Variants in SBF2 observed in about 807,000 individuals in gnomAD.
SBF2 encodes myotubularin-related protein 13.
Under a neutral mutation model 225.2 loss-of-function variants are expected in SBF2, and 112 were observed. The ratio of observed to expected loss-of-function variants is 0.50; its 90% confidence interval spans 0.43 to 0.58. The LOEUF is 0.58. Ranked by LOEUF, SBF2 falls within the 20% of genes least tolerant of loss-of-function variation. SBF2 has a pLI of 0.00. For synonymous variants in SBF2, 763 were observed against 773.3 expected (o/e 0.99, Z 0.22); for missense variants, 1,996 against 2,206.2 (o/e 0.90, Z 1.91).
intron 17 of SBF2, among the ~76,000 whole-genome samples, 151 bp downstream of exon 17, chr11:9,895,787 ACATAG>A (rs1382535581): frequency 6.6e-6 from 1 of 152,252 alleles, no homozygotes; most frequent in African/African-American, 2.4e-5. Context: ...AATTTCCTAC[ACATAG>A]CATGCAATAA....
chr11:9,866,788 A>C (rs1204183063), intron 17 of SBF2, among the ~76,000 whole-genome samples: 1 of 152,218 alleles, frequency 6.6e-6, no homozygotes, highest in Admixed American at 6.5e-5. Flanking sequence ...CAAACTAAAG[A>C]AACAACATAC....
chr11:10,154,588 AG>A (rs1955377659), intron 2 of SBF2, among the ~76,000 whole-genome samples: 1 of 152,154 alleles, frequency 6.6e-6, no homozygotes, highest in Non-Finnish European at 1.5e-5. Flanking sequence ...TAGTCCCATT[AG>A]CTAAATCCCC....
chr11:9,829,045 C>T (rs563472328), intron 28 of SBF2, among the ~76,000 whole-genome samples: 4 of 152,156 alleles, frequency 2.6e-5, no homozygotes, highest in Admixed American at 1.3e-4. Flanking sequence ...GAGGCTGAGG[C>T]GGGAAGACTG....
intron 2 of SBF2, among the ~76,000 whole-genome samples, chr11:10,109,508 C>T (rs143006560): frequency 6.2e-4 from 94 of 152,280 alleles, no homozygotes; most frequent in African/African-American, 2.2e-3. Flanking sequence ...ACCCTAGGGA[C>T]TCCATTCAAA....
intron 1 of SBF2, among the ~76,000 whole-genome samples, chr11:10,277,476 T>C (rs1339581520): frequency 6.6e-6 from 1 of 152,204 alleles, no homozygotes; most frequent in African/African-American, 2.4e-5. Flanking sequence ...TCTATCCAGA[T>C]AGATTTCCTA....
At chr11:10,218,204 A>G (rs1324966887) in intron 1 of SBF2, among the ~76,000 whole-genome samples, 2 of 151,966 alleles carry the variant, frequency 1.3e-5, no homozygotes, top group Non-Finnish European at 2.9e-5. Flanking sequence ...CCAGCCGCAA[A>G]GTCACATCTT....
chr11:10,131,692 C>T (rs1257589515), intron 2 of SBF2, among the ~76,000 whole-genome samples: 1 of 152,116 alleles, frequency 6.6e-6, no homozygotes, highest in Non-Finnish European at 1.5e-5. Flanking sequence ...CTGCCCACCT[C>T]GGCCTCCCAA....
At chr11:10,247,624 G>A (rs1959937364) in intron 1 of SBF2, among the ~76,000 whole-genome samples, 1 of 152,112 alleles carries the variant, frequency 6.6e-6, no homozygotes, top group Non-Finnish European at 1.5e-5. Context: ...GAACCCAGGA[G>A]GCAGAGATTG....
rs34181436 is a variant in SBF2, at chr11:10,080,248, C to CAA, written c.142-37269_142-37268dup. 5.2e-3 allele frequency among the ~76,000 whole-genome samples: 425 copies of CAA among 82,006 alleles called. 1 individual carries two copies. Among genetic ancestry groups the CAA allele is most frequent in the East Asian group, 0.024 (72 of 2,970 alleles). 53.8% of individuals were successfully genotyped at this position (82,006 alleles called of 152,430 possible). A position where few individuals can be genotyped will look rare whatever the true frequency, so the allele number is the denominator to read the frequency against. ...GGAAAATAAGAGCGAAACTCTGTCT[C>CAA]AAAAAAAAAAAAAAAAAAAAAAGTA... On this transcript the variant is annotated intron_variant, in intron 2 of 39. Transcript: ENST00000256190.
chr11:10,240,822 T>G (rs1355311570), intron 1 of SBF2, among the ~76,000 whole-genome samples: 3 of 152,166 alleles, frequency 2.0e-5, no homozygotes, highest in Non-Finnish European at 4.4e-5. Flanking sequence ...ATTTTATGAC[T>G]CCAATCAATA....
chr11:10,001,475 G>A (rs902088823), intron 7 of SBF2, among the ~76,000 whole-genome samples: 8 of 150,990 alleles, frequency 5.3e-5, no homozygotes, highest in African/African-American at 1.7e-4. Flanking sequence ...AAAGGGGGGG[G>A]CCAATAATTA....
intron 13 of SBF2, among the ~76,000 whole-genome samples, chr11:9,978,433 C>T (rs1373005737): frequency 6.6e-6 from 1 of 151,830 alleles, no homozygotes; most frequent in East Asian, 1.9e-4. Context: ...CTAATAAGTA[C>T]TTAACTAATA....
chr11:9,877,784 TC>T (rs1326797998), intron 17 of SBF2, among the ~76,000 whole-genome samples: 1 of 152,230 alleles, frequency 6.6e-6, no homozygotes, highest in African/African-American at 2.4e-5. Flanking sequence ...ATTTTCTTAA[TC>T]CAACCTATCA....
chr11:9,796,062 TTCAC>T, intron 32 of SBF2, 105 bp from the exon 33 acceptor site: 3 of 1,135,496 alleles, frequency 2.6e-6, no homozygotes, highest in Non-Finnish European at 3.9e-6. Flanking sequence ...CATTCAGTCA[TTCAC>T]TCAACAAATA....
At chr11:9,799,911 G>A (rs560202959) in intron 32 of SBF2, among the ~76,000 whole-genome samples, 3 of 152,250 alleles carry the variant, frequency 2.0e-5, no homozygotes, top group South Asian at 2.1e-4. Context: ...CATATCTTTG[G>A]TGAAATCAGT....
At chr11:10,218,316 A>ACCCCCCCCCCC (rs1432308207) in intron 1 of SBF2, among the ~76,000 whole-genome samples, 1 of 25,026 alleles carries the variant, frequency 4.0e-5, no homozygotes, top group Admixed American at 3.5e-4. Flanking sequence ...CACAGGAAAG[A>ACCCCCCCCCCC]CCCACCCCCC....
intron 2 of SBF2, among the ~76,000 whole-genome samples, chr11:10,069,088 A>G (rs1222522867): frequency 6.6e-6 from 1 of 152,190 alleles, no homozygotes; most frequent in Non-Finnish European, 1.5e-5. Flanking sequence ...CATAATTTGA[A>G]TAGTACAATG....
In SBF2 at chr11:10,220,775, C is replaced by T. The variant is rs184007841; in HGVS notation, c.56-26788G>A. 1.4e-3 allele frequency among the ~76,000 whole-genome samples: 208 copies of T among 152,248 alleles called. 1 individual carries two copies. The highest frequency in any genetic ancestry group is 3.5e-4 in the Non-Finnish European group (24 of 68,016). On this transcript the variant is annotated intron_variant, in intron 1 of 39. Transcript: ENST00000256190. ...CATATTTTGACACTTCCCCCTTTCCCCATATATACCCTATACTGTGGCCCC... is the reference window on the plus strand; with the variant it reads ...CATATTTTGACACTTCCCCCTTTCCTCATATATACCCTATACTGTGGCCCC...
At chr11:10,235,533 A>AC (rs1201284632) in intron 1 of SBF2, among the ~76,000 whole-genome samples, 1 of 152,108 alleles carries the variant, frequency 6.6e-6, no homozygotes, top group African/African-American at 2.4e-5. Context: ...ATCTCAAAAA[A>AC]AAAAAAAAAA....
Sources: allele counts gnomAD v4.1 joint callset (sites outside exome capture counted in the v4.1 genomes callset), GRCh38; gene constraint gnomAD v4.1.1; transcripts MANE v1.5; gene names NCBI Gene and HGNC (gene_info 2026-07-23, HGNC 2026-07-21).